The following CHCHD6 variants were observed in gnomAD, a reference collection of about 807,000 sequenced individuals.
CHCHD6 encodes the protein MICOS complex subunit MIC25.
A neutral mutation model predicts 32.3 loss-of-function variants in CHCHD6; 28 were observed. That is an observed-to-expected ratio of 0.87 (90% CI 0.64 to 1.19). The LOEUF (loss-of-function observed/expected upper bound fraction) is 1.19, where lower values mean the gene tolerates loss of function less well. Among genes scored for constraint, CHCHD6 ranks in the 50% most tolerant of loss-of-function variants. The pLI, the probability that CHCHD6 is intolerant of heterozygous loss-of-function variation, is 0.00. For missense variants in CHCHD6, 333 were observed against 307.0 expected, an observed-to-expected ratio of 1.08 and a Z score of -0.63; for synonymous variants, 122 against 117.5, an observed-to-expected ratio of 1.04 and a Z score of -0.25.
intron 4 of CHCHD6, among the ~76,000 whole-genome samples, chr3:126,827,593 A>C (rs1307310293): frequency 6.6e-6 from 1 of 152,092 alleles, no homozygotes; most frequent in Non-Finnish European, 1.5e-5. Context: ...CACCTTCTTT[A>C]ACCTTTCTTG....
chr3:126,705,166 C>T (rs1043126846), intron 1 of CHCHD6, among the ~76,000 whole-genome samples: 13 of 152,160 alleles, frequency 8.5e-5, no homozygotes, highest in African/African-American at 3.1e-4. Flanking sequence ...TCAGATATCA[C>T]CAGAGAATCC....
chr3:126,869,822 T>C (rs1306476593), intron 5 of CHCHD6, among the ~76,000 whole-genome samples: 1 of 152,224 alleles, frequency 6.6e-6, no homozygotes, highest in Admixed American at 6.5e-5. Context: ...ATTTTTTAAG[T>C]TTGTTAATTT....
intron 6 of CHCHD6, among the ~76,000 whole-genome samples, chr3:126,926,115 A>G (rs1576611169): frequency 6.6e-6 from 1 of 152,188 alleles, no homozygotes; most frequent in Non-Finnish European, 1.5e-5. Context: ...GTCTTTCTTT[A>G]TAAAACTGAA....
intron 5 of CHCHD6, among the ~76,000 whole-genome samples, chr3:126,881,521 G>A (rs2077609949): frequency 6.6e-6 from 1 of 152,198 alleles, no homozygotes; most frequent in South Asian, 2.1e-4. Flanking sequence ...CAAAACTTTT[G>A]TGAGAAAAGG....
chr3:126,754,608 C>T (rs1050189241), intron 4 of CHCHD6, among the ~76,000 whole-genome samples: 7 of 152,190 alleles, frequency 4.6e-5, no homozygotes, highest in African/African-American at 1.7e-4. Context: ...AAGCAGGCTG[C>T]CTCTAACAGC....
At chr3:126,938,004 G>T (rs1044096982) in intron 6 of CHCHD6, among the ~76,000 whole-genome samples, 1 of 152,160 alleles carries the variant, frequency 6.6e-6, no homozygotes, top group African/African-American at 2.4e-5. Context: ...CAGGCTATGC[G>T]CAGAGGACAA....
chr3:126,803,536 C>G (rs1225903348), intron 4 of CHCHD6, among the ~76,000 whole-genome samples: 1 of 152,148 alleles, frequency 6.6e-6, no homozygotes, highest in Non-Finnish European at 1.5e-5. Flanking sequence ...ATATCTGCAC[C>G]CAATACAGGA....
chr3:126,916,127 G>A (rs573485566), intron 6 of CHCHD6, among the ~76,000 whole-genome samples: 3 of 152,252 alleles, frequency 2.0e-5, no homozygotes, highest in South Asian at 4.2e-4. Flanking sequence ...TTTGCTGGAC[G>A]TGGTGGCTCA....
At chr3:126,793,627 G>A (rs1254079508) in intron 4 of CHCHD6, among the ~76,000 whole-genome samples, 5 of 152,122 alleles carry the variant, frequency 3.3e-5, no homozygotes, top group Non-Finnish European at 5.9e-5. Flanking sequence ...TAAAACTCAA[G>A]AGAGGCATTG....
intron 4 of CHCHD6, among the ~76,000 whole-genome samples, chr3:126,824,839 A>C (rs1401116752): frequency 6.6e-6 from 1 of 152,016 alleles, no homozygotes; most frequent in African/African-American, 2.4e-5. Context: ...TCAGCCTCCC[A>C]AAGTGCTGGG....
At chr3:126,914,093 G>A (rs2078134679) in intron 5 of CHCHD6, among the ~76,000 whole-genome samples, 1 of 152,190 alleles carries the variant, frequency 6.6e-6, no homozygotes, top group Non-Finnish European at 1.5e-5. Flanking sequence ...GGTGGTCAGG[G>A]TAGGCAGCAG....
chr3:126,862,145 T>C (rs1427892922), intron 5 of CHCHD6, among the ~76,000 whole-genome samples: 5 of 26,642 alleles, frequency 1.9e-4, no homozygotes, highest in Admixed American at 3.6e-4. Context: ...TCCTCCACCA[T>C]CACCACCTCC....
chr3:126,845,749 T>G (rs1021202751), intron 4 of CHCHD6, among the ~76,000 whole-genome samples: 3 of 152,198 alleles, frequency 2.0e-5, no homozygotes, highest in Non-Finnish European at 4.4e-5. Flanking sequence ...CATGAATTCA[T>G]GCCATATCAT....
intron 4 of CHCHD6, among the ~76,000 whole-genome samples, chr3:126,760,161 G>C (rs1420989974): frequency 6.6e-6 from 1 of 152,126 alleles, no homozygotes; most frequent in Non-Finnish European, 1.5e-5. Flanking sequence ...ATGAGATTTG[G>C]GTGGGGACAA....
At chr3:126,835,981 T>C (rs575279511) in intron 4 of CHCHD6, among the ~76,000 whole-genome samples, 2 of 152,378 alleles carry the variant, frequency 1.3e-5, no homozygotes, top group South Asian at 4.1e-4. Context: ...TGTGTGCCTG[T>C]ACATGTGAGT....
chr3:126,796,274 T>C (rs1183820136), intron 4 of CHCHD6, among the ~76,000 whole-genome samples: 3 of 152,144 alleles, frequency 2.0e-5, no homozygotes, highest in African/African-American at 7.2e-5. Flanking sequence ...GGCTTGAGGC[T>C]AAGAGTTCAA....
chr3:126,861,833 C>T, intron 5 of CHCHD6, among the ~76,000 whole-genome samples: 1 of 116,258 alleles, frequency 8.6e-6, no homozygotes, highest in African/African-American at 3.3e-5. Flanking sequence ...CCTTCCTCCA[C>T]CATCACCACC....
At chr3:126,819,709 C>G (rs894700133) in intron 4 of CHCHD6, among the ~76,000 whole-genome samples, 1 of 152,338 alleles carries the variant, frequency 6.6e-6, no homozygotes, top group East Asian at 1.9e-4. Context: ...TCTAAATGGA[C>G]GTCTGGCTGC....
chr3:126,734,358 G>A (rs1307798754), intron 4 of CHCHD6, among the ~76,000 whole-genome samples: 1 of 152,252 alleles, frequency 6.6e-6, no homozygotes, highest in East Asian at 1.9e-4. Context: ...ACCAGGAACA[G>A]CCTTGCACTA....
Sources: gnomAD v4.1 joint callset for allele counts (sites outside exome capture counted in the v4.1 genomes callset) on GRCh38, gnomAD v4.1.1 for gene constraint, MANE v1.5 for transcripts, NCBI Gene and HGNC (gene_info 2026-07-23, HGNC 2026-07-21) for gene names.